Variants in GREB1L observed in about 807,000 individuals in gnomAD.
GREB1L encodes GREB1 like retinoic acid receptor coactivator.
In GREB1L, 17 loss-of-function variants were observed where a neutral mutation model predicts 200.8. That is an observed-to-expected ratio of 0.08 (90% confidence interval 0.06 to 0.13). The LOEUF is 0.13. GREB1L is among the 10% of genes least tolerant of loss of function. GREB1L has a pLI of 1.00. For missense variants in GREB1L, 1,657 were observed against 2,367.7 expected, an observed-to-expected ratio of 0.70 and a Z score of 6.23; for synonymous variants, 789 against 893.0, an observed-to-expected ratio of 0.88 and a Z score of 2.08.
At chr18:21,503,881 C>T (rs1289184851) in intron 23 of GREB1L, among the ~76,000 whole-genome samples, 1 of 149,132 alleles carries the variant, frequency 6.7e-6, no homozygotes, top group African/African-American at 2.5e-5. Context: ...CCTGGCCAAT[C>T]ATAAAAAATA....
At position 21,522,963 on chromosome 18, in the gene GREB1L, C is replaced by A; in HGVS notation, c.*142C>A. On this transcript the variant is annotated 3_prime_UTR_variant, in exon 33 of 33. Coordinates refer to ENST00000424526, the MANE Select transcript of GREB1L (RefSeq NM_001142966.3). Reference sequence around the variant, plus strand: ...TGTCTAAATTCTCCAAAGAACTCCCCAAATCTGATCCAGGTCTTTGGGGAC... The same window carrying A: ...TGTCTAAATTCTCCAAAGAACTCCCAAAATCTGATCCAGGTCTTTGGGGAC... 1.4e-6 allele frequency: 1 copy of A among 716,068 alleles called. No individual in the cohort carries two copies. Among genetic ancestry groups the A allele is most frequent in the Non-Finnish European group, 2.2e-6 (1 of 454,132 alleles). The allele number at this position is 716,068 out of a possible 1,614,324, so 44.4% of individuals were successfully genotyped here.
intron 19 of GREB1L, among the ~76,000 whole-genome samples, chr18:21,491,104 G>A (rs2036315739): frequency 6.6e-6 from 1 of 152,156 alleles, no homozygotes; most frequent in South Asian, 2.1e-4. Context: ...GGTTTTTCTG[G>A]GCCTGTAATC....
chr18:21,437,488 C>T lies in GREB1L; in HGVS notation c.833-2033C>T, dbSNP rs981274104. Among the ~76,000 whole-genome samples the T allele has an allele frequency of 2.6e-4, 40 of 152,066 alleles. 1 individual carries two copies. Among genetic ancestry groups the T allele is most frequent in the African/African-American group, 7.7e-4 (32 of 41,498 alleles). ...ACAACTTTTGAACCTACTAATCAAT[C>T]TTAATATCATAAGAAGAGAGAAAAC... On this transcript the variant is annotated intron_variant, in intron 7 of 32. Transcript: ENST00000424526.
chr18:21,266,437 T>C lies in GREB1L; in HGVS notation c.-120+24044T>C, dbSNP rs193146202. On this transcript the variant is annotated intron_variant, in intron 1 of 32. Coordinates refer to ENST00000424526, the MANE Select transcript of GREB1L (RefSeq NM_001142966.3). Reference sequence around the variant, plus strand: ...ACTCTAATTACCTTTAAGGCAGTGGTTTCAAATTGTGCTGTGCAGAGCTTC... The same window carrying C: ...ACTCTAATTACCTTTAAGGCAGTGGCTTCAAATTGTGCTGTGCAGAGCTTC... 1.6e-3 allele frequency among the ~76,000 whole-genome samples: 239 copies of C among 152,284 alleles called. 3 individuals carry two copies. The highest frequency in any genetic ancestry group is 5.6e-3 in the African/African-American group (232 of 41,554).
At chr18:21,387,571 A>G (rs2040597164) in intron 4 of GREB1L, 1 of 152,224 alleles carries the variant, frequency 6.6e-6, no homozygotes, top group Admixed American at 6.5e-5. Flanking sequence ...ACTCTTAACC[A>G]GATCTTCTCG....
intron 1 of GREB1L, among the ~76,000 whole-genome samples, chr18:21,342,992 A>G (rs1365573552): frequency 6.6e-6 from 1 of 152,204 alleles, no homozygotes; most frequent in East Asian, 1.9e-4. Context: ...TTTTACCTTC[A>G]TCTGTTTTTG....
intron 19 of GREB1L, among the ~76,000 whole-genome samples, chr18:21,491,077 T>A (rs1401735092): frequency 6.6e-6 from 1 of 152,188 alleles, no homozygotes; most frequent in African/African-American, 2.4e-5. Context: ...CCTAACTCCC[T>A]ACCTTATGCC....
chr18:21,423,172 GC>G (rs1321552664), intron 7 of GREB1L, among the ~76,000 whole-genome samples: 8 of 152,016 alleles, frequency 5.3e-5, no homozygotes, highest in Non-Finnish European at 2.9e-5. Context: ...CTTGTGATTT[GC>G]CCGCCTGAGC....
chr18:21,410,877 G>A (rs1319832231), intron 7 of GREB1L, among the ~76,000 whole-genome samples: 2 of 151,542 alleles, frequency 1.3e-5, no homozygotes, highest in Non-Finnish European at 2.9e-5. Context: ...GATCACTTGA[G>A]CCCAGGAGGT....
intron 5 of GREB1L, among the ~76,000 whole-genome samples, chr18:21,399,129 G>A (rs1206563612): frequency 1.3e-5 from 2 of 152,176 alleles, no homozygotes; most frequent in Non-Finnish European, 2.9e-5. Context: ...CTCAACCTCA[G>A]TAGTTTGTTA....
In GREB1L at chr18:21,449,652, A is replaced by T; in HGVS notation, c.1536A>T (p.Arg512Ser). 2 of 1,551,708 alleles carry T rather than the reference A, an allele frequency of 1.3e-6. No individual in the cohort carries two copies. Among genetic ancestry groups the T allele is most frequent in the Non-Finnish European group, 1.7e-6 (2 of 1,146,992 alleles). Residue 512 changes from arginine (R) to serine (S), a missense_variant, in exon 12 of 33, where the codon AGA becomes AGT. By Grantham distance (110) the Arg-to-Ser change is moderately radical. Coordinates refer to ENST00000424526, the MANE Select transcript of GREB1L (RefSeq NM_001142966.3). ...CAGGACAACTCCCCTGGCTTGCTAG[A>T]TTAATTGCCAGCGTATCTCAAGACT... Reference protein sequence around the residue: ...VSPGQLPWLARLIASVSQDLV... With the variant: ...VSPGQLPWLASLIASVSQDLV...
chr18:21,270,584 CG>C (rs2038062890), intron 1 of GREB1L, among the ~76,000 whole-genome samples: 1 of 152,200 alleles, frequency 6.6e-6, no homozygotes, highest in Non-Finnish European at 1.5e-5. Flanking sequence ...TCTCTCATCC[CG>C]CCCTTGACTC....
chr18:21,505,337 TA>T, intron 23 of GREB1L, 74 bp from the exon 24 acceptor site: 2 of 1,392,452 alleles, frequency 1.4e-6, no homozygotes, highest in Non-Finnish European at 1.9e-6. Context: ...CTACGTCCCA[TA>T]AAAGCCATTC....
chr18:21,449,463 C>T (rs2034409295), intron 11 of GREB1L, 47 bp from the exon 12 acceptor site: 1 of 1,177,108 alleles, frequency 8.5e-7, no homozygotes, highest in Admixed American at 2.5e-5. Context: ...GTGTGTCTCT[C>T]CTCCCTGTGA....
At chr18:21,518,303 C>CA (rs1267014205) in intron 31 of GREB1L, 69 bp downstream of exon 31, 1 of 1,405,040 alleles carries the variant, frequency 7.1e-7, no homozygotes, top group Non-Finnish European at 9.6e-7. Flanking sequence ...TAGCTGTTTA[C>CA]AAAAAAGGAG....
At chr18:21,412,758 T>C (rs1452083500) in intron 7 of GREB1L, among the ~76,000 whole-genome samples, 1 of 152,130 alleles carries the variant, frequency 6.6e-6, no homozygotes, top group Non-Finnish European at 1.5e-5. Flanking sequence ...TATTTGCCTG[T>C]GGTTATTCCT....
chr18:21,255,227 A>G (rs2037782723), intron 1 of GREB1L, among the ~76,000 whole-genome samples: 1 of 152,162 alleles, frequency 6.6e-6, no homozygotes, highest in Admixed American at 6.5e-5. Context: ...TATCCTGCTC[A>G]TGTGCATTCC....
chr18:21,508,012 G>C, intron 25 of GREB1L, 106 bp from the exon 26 acceptor site: 1 of 1,087,738 alleles, frequency 9.2e-7, no homozygotes, highest in East Asian at 2.6e-5. Context: ...GCACTTACCA[G>C]TTCATGTTAG....
chr18:21,495,598 C>T, intron 19 of GREB1L, 72 bp from the exon 20 acceptor site: 1 of 798,690 alleles, frequency 1.3e-6, no homozygotes, highest in Non-Finnish European at 2.1e-6. Context: ...AAAATCTGGA[C>T]TCAGAAGCCT....
Sources: gnomAD v4.1 joint callset for allele counts (sites outside exome capture counted in the v4.1 genomes callset) on GRCh38, gnomAD v4.1.1 for gene constraint, MANE v1.5 for transcripts, NCBI Gene and HGNC (gene_info 2026-07-23, HGNC 2026-07-21) for gene names.